FOXP4: variants seen among roughly 807,000 people sequenced by gnomAD.
FOXP4 encodes the protein forkhead box P4.
FOXP4 carries 25 observed loss-of-function variants against 82.6 expected under a neutral mutation model. That is an observed-to-expected ratio of 0.30 (90% CI 0.22 to 0.42). The LOEUF is 0.42. Among genes scored for constraint, FOXP4 ranks in the 10% least tolerant of loss-of-function variants. The probability of loss-of-function intolerance (pLI) is 1.00; values close to 1 mark genes in which losing one functional copy is unlikely to be tolerated. For missense variants in FOXP4, 785 were observed against 900.9 expected, an observed-to-expected ratio of 0.87 and a Z score of 1.65; for synonymous variants, 415 against 388.2, an observed-to-expected ratio of 1.07 and a Z score of -0.81.
intron 4 of FOXP4, 39 bp from the exon 5 acceptor site, chr6:41,585,392 C>T (rs1308974772): frequency 6.3e-7 from 1 of 1,599,586 alleles, no homozygotes. Context: ...GTGGGGATAG[C>T]AGTACCCTGC....
rs1343992513 is a variant in FOXP4 at position 41,591,150 on chromosome 6, G to A, written c.1435-71G>A. On this transcript the variant is annotated intron_variant, in intron 12 of 16. Transcript: ENST00000307972. The surrounding 1 kb of genome is among the most constrained non-coding windows in gnomAD (Gnocchi z 4.2). ...GCTAGGCAGAAGGGAGAGGTACTGGGGGAGGGAACCCAGGGCTGTGACCCT... is the reference window on the plus strand; with the variant it reads ...GCTAGGCAGAAGGGAGAGGTACTGGAGGAGGGAACCCAGGGCTGTGACCCT... 1 of 1,277,138 alleles carries A rather than the reference G, an allele frequency of 7.8e-7. No individual in the cohort carries two copies. The highest frequency in any genetic ancestry group is 1.1e-6 in the Non-Finnish European group (1 of 896,148). The allele number at this position is 1,277,138 out of a possible 1,614,324, so 79.1% of individuals were successfully genotyped here.
intron 3 of FOXP4, among the ~76,000 whole-genome samples, chr6:41,582,102 G>A (rs1765834724): frequency 6.6e-6 from 1 of 152,202 alleles, no homozygotes; most frequent in South Asian, 2.1e-4. Flanking sequence ...GAGAAGGAGG[G>A]GAAAGGGAAA....
intron 1 of FOXP4, among the ~76,000 whole-genome samples, chr6:41,559,157 C>T (rs1764433992): frequency 6.6e-6 from 1 of 152,224 alleles, no homozygotes; most frequent in African/African-American, 2.4e-5. Flanking sequence ...CCCTGCCCCT[C>T]TCCACTTACC....
At chr6:41,562,333 C>T (rs1371885713) in intron 1 of FOXP4, among the ~76,000 whole-genome samples, 1 of 152,154 alleles carries the variant, frequency 6.6e-6, no homozygotes, top group Non-Finnish European at 1.5e-5. Context: ...GCCATTCACA[C>T]ACCCTGCGGA....
At chr6:41,557,790 C>CT (rs1290777362) in intron 1 of FOXP4, among the ~76,000 whole-genome samples, 1 of 150,780 alleles carries the variant, frequency 6.6e-6, no homozygotes, top group Non-Finnish European at 1.5e-5. Flanking sequence ...ATTTTTTTTT[C>CT]TTTTTTTCAA....
At chr6:41,587,626 CA>C in intron 7 of FOXP4, 114 bp downstream of exon 7, 3 of 904,138 alleles carry the variant, frequency 3.3e-6, no homozygotes, top group Non-Finnish European at 3.2e-6. Context: ...ACCGGAGGTT[CA>C]CTCCCTCTCC....
At chr6:41,597,390 C>T in intron 15 of FOXP4, 148 bp downstream of exon 15, 1 of 797,900 alleles carries the variant, frequency 1.3e-6, no homozygotes. Context: ...ACCTCTCTGC[C>T]CCACCCCAAC....
At chr6:41,588,605 C>A (rs1429010110) in intron 8 of FOXP4, 39 bp from the exon 9 acceptor site, 1 of 1,604,280 alleles carries the variant, frequency 6.2e-7, no homozygotes, top group South Asian at 1.1e-5. Flanking sequence ...AGCAGGGAAA[C>A]CGGAGCCAAC....
chr6:41,590,203 C>T (rs764345610), intron 11 of FOXP4, 33 bp downstream of exon 11: 97 of 1,606,494 alleles, frequency 6.0e-5, no homozygotes, highest in Non-Finnish European at 7.8e-5. Flanking sequence ...AGGGCGACAG[C>T]AGCGTGAGGC....
At chr6:41,560,809 ATTG>A (rs1764532468) in intron 1 of FOXP4, among the ~76,000 whole-genome samples, 2 of 152,040 alleles carry the variant, frequency 1.3e-5, no homozygotes, top group East Asian at 3.9e-4. Flanking sequence ...AGATTAAGCG[ATTG>A]TTAATTAAAA....
In FOXP4 at chr6:41,591,893, T is replaced by A. The variant is rs1236145460; in HGVS notation, c.1536+571T>A. On this transcript the variant is annotated intron_variant, in intron 13 of 16. Coordinates refer to ENST00000307972, the MANE Select transcript of FOXP4 (RefSeq NM_001012426.2). This position sits in a 1 kb window ranked among gnomAD's most constrained non-coding sequence, Gnocchi z 4.2. ...CATTTCAACACCTTCAGCCATAAGTTTTCCTGGGAGAGCAGAAGCAGGCAA... is the reference window on the plus strand; with the variant it reads ...CATTTCAACACCTTCAGCCATAAGTATTCCTGGGAGAGCAGAAGCAGGCAA... Among the ~76,000 whole-genome samples the A allele has an allele frequency of 6.6e-6, 1 of 152,044 alleles. No homozygotes were observed. The highest frequency in any genetic ancestry group is 1.9e-4 in the East Asian group (1 of 5,180).
At chr6:41,552,192 A>C (rs1764036976) in intron 1 of FOXP4, among the ~76,000 whole-genome samples, 1 of 152,182 alleles carries the variant, frequency 6.6e-6, no homozygotes, top group African/African-American at 2.4e-5. Context: ...CCAGGCCTAA[A>C]GAAGTTGCTT....
chr6:41,565,776 G>A lies in FOXP4; in HGVS notation c.16G>A (p.Ala6Thr), dbSNP rs1764839660. The A allele has an allele frequency of 1.2e-6, 2 of 1,605,862 alleles. No individual in the cohort carries two copies. Among genetic ancestry groups the A allele is most frequent in the Non-Finnish European group, 1.7e-6 (2 of 1,174,080 alleles). The change falls in exon 2 of 17, where the codon GCC becomes ACC. Residue 6 changes from alanine to threonine, a missense_variant. By Grantham distance (58) the Ala-to-Thr change is moderately conservative. This residue lies in a region of FOXP4 where 570 missense variants were observed against 634.0 expected (regional missense o/e 0.90). Transcript: ENST00000307972. MMVES[A>T]SETIRSAPSG... ...CTAGAGCGACATGATGGTGGAATCT[G>A]CCTCGGAGACAATCAGGTCGGCTCC...
chr6:41,553,719 C>T (rs1764125161), intron 1 of FOXP4, among the ~76,000 whole-genome samples: 1 of 152,200 alleles, frequency 6.6e-6, no homozygotes, highest in Non-Finnish European at 1.5e-5. Flanking sequence ...GAACAGACTG[C>T]ACCCTAGTTG....
intron 2 of FOXP4, among the ~76,000 whole-genome samples, chr6:41,576,321 TAA>T (rs953676528): frequency 1.3e-4 from 20 of 152,146 alleles, no homozygotes; most frequent in Admixed American, 8.5e-4. Flanking sequence ...AAACTAGATT[TAA>T]AGCCTCAGGA....
rs1437899756 is a variant in FOXP4 at position 41,600,087 on chromosome 6, CTGTT to C, written c.*1152_*1155del. On this transcript the variant is annotated 3_prime_UTR_variant, in exon 17 of 17. Transcript: ENST00000307972. Reference sequence around the variant, plus strand: ...TGTTTTAAACCAAAGTTTACAGTGTCTGTTGGTGGCCAAGACCTTCTCTCTCCAC... The same window carrying C: ...TGTTTTAAACCAAAGTTTACAGTGTCGGTGGCCAAGACCTTCTCTCTCCAC... 6.5e-6 allele frequency: 1 copy of C among 152,726 alleles called. No homozygotes were observed. Among genetic ancestry groups the C allele is most frequent in the Non-Finnish European group, 1.5e-5 (1 of 68,084 alleles). 9.5% of individuals were successfully genotyped at this position (152,726 alleles called of 1,614,324 possible). A position where few individuals can be genotyped will look rare whatever the true frequency, so the allele number is the denominator to read the frequency against.
At chr6:41,549,575 C>A (rs1047746455) in intron 1 of FOXP4, among the ~76,000 whole-genome samples, 1 of 152,032 alleles carries the variant, frequency 6.6e-6, no homozygotes, top group Non-Finnish European at 1.5e-5. Context: ...GAGAGGAAGG[C>A]TTGCTTTTGA....
chr6:41,555,325 C>T (rs972881796), intron 1 of FOXP4, among the ~76,000 whole-genome samples: 2 of 152,118 alleles, frequency 1.3e-5, no homozygotes, highest in African/African-American at 4.8e-5. Flanking sequence ...GTCTTTGTAC[C>T]ATAAGGCCTT....
At position 41,593,615 on chromosome 6, in the gene FOXP4, C is replaced by T. The variant is rs1053851179; in HGVS notation, c.1537-1255C>T. Among the ~76,000 whole-genome samples the T allele has an allele frequency of 6.6e-6, 1 of 152,200 alleles. No homozygotes were observed. Among genetic ancestry groups the T allele is most frequent in the Non-Finnish European group, 1.5e-5 (1 of 68,034 alleles). Reference sequence around the variant, plus strand: ...TTTGCAAAGCGGAGGATCGGAGCCCCGTAATGCGGGCAAATTTATTCCGAG... The same window carrying T: ...TTTGCAAAGCGGAGGATCGGAGCCCTGTAATGCGGGCAAATTTATTCCGAG... On this transcript the variant is annotated intron_variant, in intron 13 of 16. Transcript: ENST00000307972. This position sits in a 1 kb window ranked among gnomAD's most constrained non-coding sequence, Gnocchi z 4.1.
Sources: gnomAD v4.1 joint callset for allele counts (sites outside exome capture counted in the v4.1 genomes callset) on GRCh38, gnomAD v4.1.1 for gene constraint, gnomAD v4.1.1 regional missense constraint, Gnocchi (gnomAD v3.1) non-coding constraint, MANE v1.5 for transcripts, NCBI Gene and HGNC (gene_info 2026-07-23, HGNC 2026-07-21) for gene names.